Variants in TFDP2 observed in about 807,000 individuals in gnomAD.
The protein encoded by TFDP2 is transcription factor Dp-2 (E2F dimerization partner 2).
Under a neutral mutation model 59.3 loss-of-function variants are expected in TFDP2, and 17 were observed. The observed-to-expected ratio is 0.29, with a 90% CI of 0.20 to 0.43. TFDP2 has a LOEUF of 0.43. TFDP2 is among the 20% of genes least tolerant of loss of function. TFDP2 has a pLI of 1.00. For synonymous variants in TFDP2, 180 were observed against 194.7 expected (o/e 0.92, Z 0.63); for missense variants, 391 against 528.8 (o/e 0.74, Z 2.56).
chr3:142,055,920 C>T (rs13064793), intron 3 of TFDP2, among the ~76,000 whole-genome samples: 1 of 148,614 alleles, frequency 6.7e-6, no homozygotes, highest in Admixed American at 6.7e-5. Context: ...CTTGGAAAGC[C>T]CACATGCATT....
intron 3 of TFDP2, among the ~76,000 whole-genome samples, chr3:142,014,045 G>A (rs540808817): frequency 1.3e-5 from 2 of 152,184 alleles, no homozygotes; most frequent in East Asian, 3.9e-4. Context: ...CATATTTTTT[G>A]TGGGTTTATA....
intron 8 of TFDP2, among the ~76,000 whole-genome samples, chr3:141,973,690 T>TG (rs1940187492): frequency 6.6e-6 from 1 of 151,450 alleles, no homozygotes; most frequent in Non-Finnish European, 1.5e-5. Context: ...ATCCTTTTTT[T>TG]TTTTTTTTTT....
intron 6 of TFDP2, among the ~76,000 whole-genome samples, chr3:141,983,522 T>C (rs1576572239): frequency 6.6e-6 from 1 of 150,896 alleles, no homozygotes; most frequent in Admixed American, 6.6e-5. Context: ...TCTGTAATCC[T>C]AGCTACTTGG....
intron 1 of TFDP2, among the ~76,000 whole-genome samples, chr3:142,124,591 AT>A (rs140299791): frequency 7.2e-5 from 11 of 152,236 alleles, no homozygotes; most frequent in South Asian, 2.1e-4. Flanking sequence ...ATTCAACGTA[AT>A]TTTTTTGGTA....
intron 3 of TFDP2, among the ~76,000 whole-genome samples, chr3:142,090,368 T>C (rs1288695753): frequency 6.6e-6 from 1 of 152,166 alleles, no homozygotes; most frequent in Non-Finnish European, 1.5e-5. Context: ...ATTTGTTCTA[T>C]AAAGTTAAAC....
chr3:141,977,792 C>T (rs920683249), intron 7 of TFDP2, among the ~76,000 whole-genome samples: 2 of 151,760 alleles, frequency 1.3e-5, no homozygotes, highest in Admixed American at 6.6e-5. Flanking sequence ...CTTACTGCAA[C>T]CTCCGCCTCC....
At chr3:141,997,598 C>T (rs1251293125) in intron 4 of TFDP2, among the ~76,000 whole-genome samples, 2 of 151,702 alleles carry the variant, frequency 1.3e-5, no homozygotes, top group Admixed American at 6.6e-5. Flanking sequence ...GCCTGTAATC[C>T]TAGCACTTTG....
At chr3:142,034,705 A>G (rs1401981232) in intron 3 of TFDP2, among the ~76,000 whole-genome samples, 1 of 137,064 alleles carries the variant, frequency 7.3e-6, no homozygotes, top group Non-Finnish European at 1.5e-5. Context: ...TATTACAACA[A>G]TCTTCTCTTG....
intron 3 of TFDP2, among the ~76,000 whole-genome samples, chr3:142,011,462 G>A: frequency 9.6e-6 from 1 of 104,184 alleles, no homozygotes; most frequent in Non-Finnish European, 1.9e-5. Context: ...AGGGGGGAGG[G>A]ATAGCATTGG....
chr3:142,060,830 T>G (rs1056831106), intron 3 of TFDP2, among the ~76,000 whole-genome samples: 31 of 152,324 alleles, frequency 2.0e-4, no homozygotes, highest in African/African-American at 6.3e-4. Flanking sequence ...TGGGTAGTGC[T>G]TTACAAATAT....
chr3:142,023,136 A>AG (rs1176209946), intron 3 of TFDP2, among the ~76,000 whole-genome samples: 5 of 151,066 alleles, frequency 3.3e-5, no homozygotes, highest in African/African-American at 1.2e-4. Context: ...AAAAAAAAAA[A>AG]AAAAAAAGAA....
chr3:142,025,285 G>A (rs1295089089), intron 3 of TFDP2, among the ~76,000 whole-genome samples: 1 of 152,042 alleles, frequency 6.6e-6, no homozygotes, highest in Non-Finnish European at 1.5e-5. Context: ...TAAAACTAAT[G>A]TGCTCTTCTC....
intron 6 of TFDP2, among the ~76,000 whole-genome samples, chr3:141,991,613 C>T (rs1250398036): frequency 2.0e-5 from 3 of 151,616 alleles, no homozygotes; most frequent in Non-Finnish European, 4.4e-5. Flanking sequence ...CAAAAATTAG[C>T]GGGCACACGC....
At chr3:142,129,981 C>A (rs961079187) in intron 1 of TFDP2, among the ~76,000 whole-genome samples, 1 of 151,864 alleles carries the variant, frequency 6.6e-6, no homozygotes, top group African/African-American at 2.4e-5. Context: ...ATACTTGTGC[C>A]CTGCTGGTAG....
intron 3 of TFDP2, among the ~76,000 whole-genome samples, chr3:142,077,149 C>G (rs2060486202): frequency 6.6e-6 from 1 of 152,186 alleles, no homozygotes; most frequent in Admixed American, 6.5e-5. Flanking sequence ...CAGCTCTAGA[C>G]AGAAGGAATC....
At chr3:141,959,434 G>C (rs1054991545) in intron 11 of TFDP2, among the ~76,000 whole-genome samples, 9 of 152,260 alleles carry the variant, frequency 5.9e-5, no homozygotes, top group African/African-American at 1.9e-4. Context: ...TCAGTGCTGA[G>C]TGAGCCAATT....
At chr3:142,018,734 AC>A (rs1945339113) in intron 3 of TFDP2, among the ~76,000 whole-genome samples, 1 of 152,144 alleles carries the variant, frequency 6.6e-6, no homozygotes, top group African/African-American at 2.4e-5. Flanking sequence ...GAGCCACTGC[AC>A]CCAGGCAATG....
intron 3 of TFDP2, among the ~76,000 whole-genome samples, chr3:142,030,563 C>T (rs1336767287): frequency 1.3e-5 from 2 of 152,108 alleles, no homozygotes; most frequent in African/African-American, 4.8e-5. Context: ...TACCAGATGA[C>T]GCTTCTTACA....
intron 2 of TFDP2, among the ~76,000 whole-genome samples, chr3:142,099,784 G>A (rs753595715): frequency 1.2e-4 from 18 of 151,464 alleles, no homozygotes; most frequent in South Asian, 4.2e-4. Context: ...TTATCAAATC[G>A]CCTAGCCAAT....
Sources: allele counts gnomAD v4.1 joint callset (sites outside exome capture counted in the v4.1 genomes callset), GRCh38; gene constraint gnomAD v4.1.1; transcripts MANE v1.5; gene names NCBI Gene and HGNC (gene_info 2026-07-23, HGNC 2026-07-21).